DOCK5: variants seen among roughly 807,000 people sequenced by gnomAD.
DOCK5 encodes the protein dedicator of cytokinesis protein 5.
DOCK5 carries 142 observed loss-of-function variants against 251.8 expected under a neutral mutation model. The ratio of observed to expected loss-of-function variants is 0.56; its 90% confidence interval spans 0.49 to 0.65. DOCK5 has a LOEUF of 0.65. Among genes scored for constraint, DOCK5 ranks in the 30% least tolerant of loss-of-function variants. The probability of loss-of-function intolerance (pLI) is 0.00; values close to 1 mark genes in which losing one functional copy is unlikely to be tolerated. For synonymous variants in DOCK5, 842 were observed against 835.5 expected (o/e 1.01, Z -0.13); for missense variants, 2,111 against 2,312.3 (o/e 0.91, Z 1.79).
chr8:25,393,147 C>T (rs373848520), intron 44 of DOCK5, among the ~76,000 whole-genome samples: 2 of 152,178 alleles, frequency 1.3e-5, no homozygotes, highest in East Asian at 3.8e-4. Flanking sequence ...ATCCTGCCAG[C>T]ACCCAGAAAC....
chr8:25,333,333 T>C (rs962588870), intron 20 of DOCK5, among the ~76,000 whole-genome samples: 4 of 152,200 alleles, frequency 2.6e-5, no homozygotes, highest in African/African-American at 9.7e-5. Context: ...GTTGCAGCTT[T>C]AGGCGATTTA....
At chr8:25,185,402 C>T (rs918827437) in intron 1 of DOCK5, among the ~76,000 whole-genome samples, 3 of 152,184 alleles carry the variant, frequency 2.0e-5, no homozygotes, top group African/African-American at 7.2e-5. Context: ...GTAGGTTCTT[C>T]TCAGACGCCC....
Position 25,229,824 on chromosome 8 carries a change from C to T in DOCK5, c.44-13850C>T, listed in dbSNP as rs566749058. On this transcript the variant is annotated intron_variant, in intron 1 of 51. Transcript: ENST00000276440. ...AGGTAATTGGTCATTTGTTTTTATT[C>T]CTCCACTGTTTTTATTGTTCACTGT... Among the ~76,000 whole-genome samples, 13 of 151,986 alleles carry T rather than the reference C, an allele frequency of 8.6e-5. No homozygotes were observed. In the South Asian group the frequency reaches 1.3e-3, roughly 15 times the overall value.
chr8:25,319,418 C>A (rs1388521828), intron 14 of DOCK5, among the ~76,000 whole-genome samples, 160 bp from the exon 15 acceptor site: 4 of 152,146 alleles, frequency 2.6e-5, no homozygotes, highest in South Asian at 4.1e-4. Flanking sequence ...GAAATTCAGT[C>A]TTCTCTGTTC....
chr8:25,288,473 A>G (rs2117145468), intron 5 of DOCK5, among the ~76,000 whole-genome samples: 2 of 152,314 alleles, frequency 1.3e-5, no homozygotes, highest in Admixed American at 1.3e-4. Flanking sequence ...GCTGGTATGG[A>G]CGGGCAATAA....
intron 4 of DOCK5, chr8:25,277,136 A>G (rs1312105792): frequency 6.5e-6 from 1 of 154,282 alleles, no homozygotes; most frequent in Non-Finnish European, 1.4e-5. Flanking sequence ...GCCTCTTCAC[A>G]AAGCAAACCA....
At chr8:25,299,980 T>G (rs1228861112) in intron 8 of DOCK5, among the ~76,000 whole-genome samples, 1 of 152,158 alleles carries the variant, frequency 6.6e-6, no homozygotes, top group Non-Finnish European at 1.5e-5. Flanking sequence ...TTAGCTCTTG[T>G]CGTACAGGCC....
Position 25,395,730 on chromosome 8 carries a change from T to A in DOCK5, c.4704+11T>A. On this transcript the variant is annotated intron_variant, in intron 45 of 51. Coordinates refer to ENST00000276440, the MANE Select transcript of DOCK5 (RefSeq NM_024940.8). ...TCCAACTATGAAAAGGTTCGCTTGG[T>A]CCCAGAATCCCCTAGGGATTCACAG... The A allele has an allele frequency of 6.2e-7, 1 of 1,609,262 alleles. No homozygotes were observed. Among genetic ancestry groups the A allele is most frequent in the Non-Finnish European group, 8.5e-7 (1 of 1,178,686 alleles).
intron 2 of DOCK5, among the ~76,000 whole-genome samples, chr8:25,247,440 T>C (rs1311490260): frequency 6.6e-6 from 1 of 151,290 alleles, no homozygotes; most frequent in African/African-American, 2.4e-5. Context: ...CTACAAAAAA[T>C]TTAAAACTTA....
Position 25,278,565 on chromosome 8 carries a change from G to A in DOCK5, c.225-4G>A. On this transcript the variant is annotated splice_region_variant and splice_polypyrimidine_tract_variant and intron_variant, in intron 4 of 51. Transcript: ENST00000276440. Reference sequence around the variant, plus strand: ...GAAAGTGACCCTCGTTTGGTTCTTTGTAGGCAGCATGAAACCGTGATTCCT... The same window carrying A: ...GAAAGTGACCCTCGTTTGGTTCTTTATAGGCAGCATGAAACCGTGATTCCT... 2.5e-6 allele frequency: 4 copies of A among 1,613,898 alleles called. No homozygotes were observed. The highest frequency in any genetic ancestry group is 3.4e-6 in the Non-Finnish European group (4 of 1,179,848).
intron 1 of DOCK5, among the ~76,000 whole-genome samples, chr8:25,219,250 T>C (rs772160124): frequency 6.6e-6 from 1 of 152,214 alleles, no homozygotes; most frequent in African/African-American, 2.4e-5. Context: ...AGCCCTTCCT[T>C]GTACAGTTTT....
chr8:25,275,417 A>C lies in DOCK5; in HGVS notation c.200A>C (p.Lys67Thr), dbSNP rs1470127165. The C allele has an allele frequency of 6.2e-7, 1 of 1,610,456 alleles. No individual in the cohort carries two copies. Among genetic ancestry groups the C allele is most frequent in the Middle Eastern group, 1.7e-4 (1 of 6,058 alleles). The change falls in exon 4 of 52, where the codon AAA becomes ACA. Residue 67 changes from lysine (K) to threonine (T), a missense_variant. By Grantham distance (78) the Lys-to-Thr change is moderately conservative (BLOSUM62 -1). Coordinates refer to ENST00000276440, the MANE Select transcript of DOCK5 (RefSeq NM_024940.8). ...GIFPETYIHL[K>T]EATVEDLGQH... ...TTCCCTGAAACATATATCCATTTGA[A>C]AGAGGCAACTGTGGAAGACCTGGGG...
chr8:25,297,941 C>T (rs943211721), intron 7 of DOCK5, among the ~76,000 whole-genome samples: 1 of 151,432 alleles, frequency 6.6e-6, no homozygotes, highest in African/African-American at 2.4e-5. Context: ...ACTGTAGTCC[C>T]AGCTACCCAG....
At chr8:25,368,510 A>T (rs1183201147) in intron 32 of DOCK5, 61 bp from the exon 33 acceptor site, 1 of 1,530,332 alleles carries the variant, frequency 6.5e-7, no homozygotes, top group Non-Finnish European at 8.8e-7. Context: ...GTGGAGGAAG[A>T]TTTTAACACT....
chr8:25,329,751 A>G (rs1054712411), intron 18 of DOCK5, among the ~76,000 whole-genome samples: 1 of 152,186 alleles, frequency 6.6e-6, no homozygotes, highest in African/African-American at 2.4e-5. Flanking sequence ...CAAAAAAACT[A>G]GAGACAACCC....
intron 5 of DOCK5, among the ~76,000 whole-genome samples, chr8:25,287,362 G>T (rs1804362855): frequency 6.6e-6 from 1 of 151,968 alleles, no homozygotes; most frequent in Non-Finnish European, 1.5e-5. Context: ...GGAGGTGGAG[G>T]TTGCTGTGAG....
At chr8:25,282,421 A>G (rs1308488054) in intron 5 of DOCK5, among the ~76,000 whole-genome samples, 1 of 152,088 alleles carries the variant, frequency 6.6e-6, no homozygotes, top group African/African-American at 2.4e-5. Context: ...GCTGTTATTG[A>G]TGTTTTTGCT....
intron 41 of DOCK5, among the ~76,000 whole-genome samples, chr8:25,389,985 GAA>G (rs5890226): frequency 6.9e-6 from 1 of 144,712 alleles, no homozygotes. Flanking sequence ...ATGTCTGACC[GAA>G]AAAAAAAAAA....
intron 2 of DOCK5, among the ~76,000 whole-genome samples, chr8:25,249,611 C>G (rs1803213186): frequency 6.6e-6 from 1 of 152,144 alleles, no homozygotes; most frequent in Non-Finnish European, 1.5e-5. Flanking sequence ...CTCTCGCCCT[C>G]TCTCTTGCTC....
Sources: gnomAD v4.1 joint callset for allele counts (sites outside exome capture counted in the v4.1 genomes callset) on GRCh38, gnomAD v4.1.1 for gene constraint, MANE v1.5 for transcripts, NCBI Gene and HGNC (gene_info 2026-07-23, HGNC 2026-07-21) for gene names.